ANKLE2: variants seen among roughly 807,000 people sequenced by gnomAD.
ANKLE2 encodes ankyrin repeat and LEM domain containing 2.
In ANKLE2, 55 loss-of-function variants were observed where a neutral mutation model predicts 84.2. The ratio of observed to expected loss-of-function variants is 0.65; its 90% CI spans 0.53 to 0.82. ANKLE2 has a LOEUF of 0.82. Ranked by LOEUF, ANKLE2 falls within the 40% of genes least tolerant of loss-of-function variation. ANKLE2 has a pLI of 0.00. For synonymous variants in ANKLE2, 551 were observed against 486.1 expected, an observed-to-expected ratio of 1.13 and a Z score of -1.76; for missense variants, 1,238 against 1,201.9, an observed-to-expected ratio of 1.03 and a Z score of -0.44.
rs1254544734 is a variant in ANKLE2 at position 132,731,512 on chromosome 12, A to G, written c.1892-1242T>C. The G allele has an allele frequency of 2.0e-5, 3 of 148,590 alleles. No individual in the cohort carries two copies. The East Asian group carries it at 6.1e-4, about 30-fold the overall frequency. The allele number at this position is 148,590 out of a possible 1,614,324, so 9.2% of individuals were successfully genotyped here. On this transcript the variant is annotated intron_variant, in intron 10 of 12. Transcript: ENST00000357997. Reference sequence around the variant, plus strand: ...TATGACCTTACACACACAAACTCACACAGACACACACTCACACACACACAC... The same window carrying G: ...TATGACCTTACACACACAAACTCACGCAGACACACACTCACACACACACAC...
At chr12:132,745,319 C>T (rs1014590226) in intron 5 of ANKLE2, 8 of 185,736 alleles carry the variant, frequency 4.3e-5, no homozygotes, top group South Asian at 1.4e-4. Flanking sequence ...GCTACCAAGA[C>T]GGATGAGGAA....
intron 3 of ANKLE2, among the ~76,000 whole-genome samples, chr12:132,748,683 A>C (rs1434337200): frequency 6.6e-6 from 1 of 152,152 alleles, no homozygotes; most frequent in Admixed American, 6.5e-5. Context: ...TCTGTGAATG[A>C]GGCCAAGTTT....
chr12:132,758,658 G>A (rs1037714821), intron 1 of ANKLE2: 2 of 152,036 alleles, frequency 1.3e-5, no homozygotes, highest in Non-Finnish European at 2.9e-5. Flanking sequence ...CGAGTAGCTG[G>A]GATTACAGGT....
chr12:132,730,124 C>G lies in ANKLE2; in HGVS notation c.2038G>C (p.Glu680Gln). 6.2e-7 allele frequency: 1 copy of G among 1,612,364 alleles called. No individual in the cohort carries two copies. Among genetic ancestry groups the G allele is most frequent in the Non-Finnish European group, 8.5e-7 (1 of 1,179,646 alleles). ...GCTTCTATGAGGTCTGCCTCCTGCT[C>G]CAAGGGGAAGGCGCTGCACCTCGTA... ...GHTRCSAFPL[E>Q]QEADLIEAAE... Residue 680 changes from glutamate (E) to glutamine (Q), a missense_variant, in exon 11 of 13, where the codon GAG becomes CAG. This residue lies in a region of ANKLE2 where 802 missense variants were observed against 774.5 expected (regional missense o/e 1.04). Coordinates refer to ENST00000357997, the MANE Select transcript of ANKLE2 (RefSeq NM_015114.3).
chr12:132,736,041 T>G (rs2044002156), intron 8 of ANKLE2, among the ~76,000 whole-genome samples: 1 of 152,116 alleles, frequency 6.6e-6, no homozygotes, highest in African/African-American at 2.4e-5. Flanking sequence ...AAGCTCCACC[T>G]CCGGGGTTCA....
chr12:132,759,907 G>GCGGA (rs1449503077), intron 1 of ANKLE2: 1 of 152,210 alleles, frequency 6.6e-6, no homozygotes, highest in African/African-American at 2.4e-5. Flanking sequence ...GCTGAGGCAG[G>GCGGA]TGGATCACCT....
At chr12:132,734,646 C>A in intron 9 of ANKLE2, 71 bp from the exon 10 acceptor site, 1 of 1,448,438 alleles carries the variant, frequency 6.9e-7, no homozygotes, top group Non-Finnish European at 9.3e-7. Flanking sequence ...CAGAAAAAAG[C>A]CACTAAAGCT....
rs2043717368 is a variant in ANKLE2, at chr12:132,727,284, C to G, written c.2775G>C (p.Gln925His). Residue 925 changes from glutamine to histidine, a missense_variant, in exon 13 of 13, where the codon CAG becomes CAC. Physicochemically the swap from Gln to His is conservative, Grantham distance 24. Coordinates refer to ENST00000357997, the MANE Select transcript of ANKLE2 (RefSeq NM_015114.3). ...CAGCCAGGCGCGCCATCCTGCGGAG[C>G]TGGCTCCCGTGCACGGGGCTGTAGC... ...PGRYSPVHGS[Q>H]LRRMARLAEL... 1 of 1,567,082 alleles carries G rather than the reference C, an allele frequency of 6.4e-7. No individual in the cohort carries two copies. Among genetic ancestry groups the G allele is most frequent in the Admixed American group, 1.9e-5 (1 of 53,568 alleles).
At position 132,727,597 on chromosome 12, in the gene ANKLE2, T is replaced by C. The variant is rs77178508; in HGVS notation, c.2616-154A>G. Among the ~76,000 whole-genome samples the C allele has an allele frequency of 0.18, 10,849 of 59,290 alleles. 5 individuals carry two copies. Among genetic ancestry groups the C allele is most frequent in the South Asian group, 0.21 (442 of 2,120 alleles). The allele number at this position is 59,290 out of a possible 152,430, so 38.9% of individuals were successfully genotyped here. A position where few individuals can be genotyped will look rare whatever the true frequency, so the allele number is the denominator to read the frequency against. Reference sequence around the variant, plus strand: ...GGCACCGCGGGCACACACGCCCGGGTGGAAGAGACGCACTGCTGAACCCTG... The same window carrying C: ...GGCACCGCGGGCACACACGCCCGGGCGGAAGAGACGCACTGCTGAACCCTG... On this transcript the variant is annotated intron_variant, in intron 12 of 12. Transcript: ENST00000357997.
intron 7 of ANKLE2, chr12:132,738,087 T>G (rs2044048112): frequency 6.6e-6 from 1 of 152,224 alleles, no homozygotes; most frequent in Non-Finnish European, 1.5e-5. Context: ...TCTTGTAGTT[T>G]ATCACAGGTG....
At chr12:132,756,696 G>A (rs1243101077) in intron 1 of ANKLE2, 2 of 152,190 alleles carry the variant, frequency 1.3e-5, no homozygotes. Flanking sequence ...GGGAGACCGA[G>A]GTGGGTGGAT....
chr12:132,741,391 C>A (rs138911537), intron 7 of ANKLE2, 28 bp downstream of exon 7: 1 of 1,611,274 alleles, frequency 6.2e-7, no homozygotes, highest in Non-Finnish European at 8.5e-7. Context: ...GTGGACCCCA[C>A]GATCCAGGCA....
chr12:132,753,551 G>A (rs370064206), intron 2 of ANKLE2, among the ~76,000 whole-genome samples: 25 of 152,096 alleles, frequency 1.6e-4, no homozygotes, highest in East Asian at 3.9e-4. Flanking sequence ...AGATCACGAC[G>A]TCAGGGGTTC....
In ANKLE2 at chr12:132,739,481, A is replaced by G. The variant is rs576127601; in HGVS notation, c.1420+1938T>C. Among the ~76,000 whole-genome samples the G allele has an allele frequency of 6.6e-5, 10 of 152,350 alleles. No individual in the cohort carries two copies. In the East Asian group the frequency reaches 1.2e-3, roughly 18 times the overall value. On this transcript the variant is annotated intron_variant, in intron 7 of 12. Coordinates refer to ENST00000357997, the MANE Select transcript of ANKLE2 (RefSeq NM_015114.3). ...AGTGGCACAGGAAAAGAAGACATAC[A>G]GTATGTACAGTATAGGGTGCATGGT...
At chr12:132,748,882 T>TATATATATAC (rs1380526374) in intron 3 of ANKLE2, 16 of 148,514 alleles carry the variant, frequency 1.1e-4, no homozygotes, top group Admixed American at 1.4e-4. Flanking sequence ...TATATATATA[T>TATATATATAC]ACACACGTAT....
chr12:132,748,153 G>A lies in ANKLE2; in HGVS notation c.1026C>T (p.Asn342=). Residue 342 remains asparagine, a synonymous_variant, in exon 4 of 13, where the codon AAC becomes AAT. Coordinates refer to ENST00000357997, the MANE Select transcript of ANKLE2 (RefSeq NM_015114.3). ...NPRYLIGSGD[N]PTIVQEGCRY... ...CGAGACCTACCTGCACGATAGTGGG[G>A]TTGTCTCCTGAGCCTATCAGATACC... The A allele has an allele frequency of 6.2e-7, 1 of 1,613,754 alleles. No homozygotes were observed.
intron 7 of ANKLE2, among the ~76,000 whole-genome samples, chr12:132,740,373 C>G (rs1197829534): frequency 6.6e-6 from 1 of 152,160 alleles, no homozygotes; most frequent in East Asian, 1.9e-4. Context: ...AAATGTCAGA[C>G]AGTAAATAAT....
chr12:132,750,097 C>T (rs776332757), intron 3 of ANKLE2, among the ~76,000 whole-genome samples: 5 of 146,486 alleles, frequency 3.4e-5, no homozygotes, highest in Non-Finnish European at 6.0e-5. Context: ...CCCAGCTACT[C>T]GGGAGGCTGA....
Position 132,725,787 on chromosome 12 carries a change from C to T in ANKLE2, c.*1455G>A, listed in dbSNP as rs2043688855. 1 of 152,188 alleles carries T rather than the reference C, an allele frequency of 6.6e-6. No homozygotes were observed. Among genetic ancestry groups the T allele is most frequent in the South Asian group, 2.1e-4 (1 of 4,828 alleles). The allele number at this position is 152,188 out of a possible 1,614,324, so 9.4% of individuals were successfully genotyped here. On this transcript the variant is annotated 3_prime_UTR_variant, in exon 13 of 13. Transcript: ENST00000357997. ...TCCATATTCTGATTTCTTTTGAGAA[C>T]CAAGGTGCCTTTTAAAATGCGGCTT...
Sources: allele counts gnomAD v4.1 joint callset (sites outside exome capture counted in the v4.1 genomes callset), GRCh38; gene constraint gnomAD v4.1.1; regional missense constraint gnomAD v4.1.1; transcripts MANE v1.5; gene names NCBI Gene and HGNC (gene_info 2026-07-23, HGNC 2026-07-21).